Variants in PLD5 observed in about 807,000 individuals in gnomAD.
PLD5 encodes inactive phospholipase D5.
PLD5 carries 36 observed loss-of-function variants against 61.1 expected under a neutral mutation model. The ratio of observed to expected loss-of-function variants is 0.59; its 90% CI spans 0.45 to 0.78. PLD5 has a LOEUF of 0.78. PLD5 is among the 30% of genes least tolerant of loss of function. The pLI is 0.00. For synonymous variants in PLD5, 243 were observed against 242.8 expected, an observed-to-expected ratio of 1.00 and a Z score of -0.01; for missense variants, 515 against 644.4, an observed-to-expected ratio of 0.80 and a Z score of 2.17.
intron 6 of PLD5, among the ~76,000 whole-genome samples, chr1:242,118,569 T>G (rs889059016): frequency 3.3e-5 from 5 of 152,262 alleles, no homozygotes; most frequent in African/African-American, 1.2e-4. Flanking sequence ...GGAACGAATG[T>G]GAAAGTGCTT....
At chr1:242,439,436 C>G (rs542588117) in intron 1 of PLD5, among the ~76,000 whole-genome samples, 1 of 152,178 alleles carries the variant, frequency 6.6e-6, no homozygotes, top group Admixed American at 6.5e-5. Flanking sequence ...AAGGAGCCCA[C>G]ATCACTTCTG....
At chr1:242,229,893 TA>T (rs1334935252) in intron 4 of PLD5, among the ~76,000 whole-genome samples, 3 of 143,744 alleles carry the variant, frequency 2.1e-5, no homozygotes, top group East Asian at 4.5e-4. Context: ...GTAAGACCTC[TA>T]AAAAAATATT....
intron 5 of PLD5, among the ~76,000 whole-genome samples, chr1:242,135,202 T>C (rs1448585387): frequency 6.6e-6 from 1 of 152,178 alleles, no homozygotes; most frequent in African/African-American, 2.4e-5. Context: ...TATACAGACA[T>C]TTATATCTGC....
At chr1:242,247,680 GGGGTC>G (rs1558394577) in intron 4 of PLD5, among the ~76,000 whole-genome samples, 1 of 152,090 alleles carries the variant, frequency 6.6e-6, no homozygotes, top group Non-Finnish European at 1.5e-5. Context: ...AGGTTTTTTG[GGGGTC>G]CCCTTGGCTA....
chr1:242,264,245 C>G (rs189681732), intron 4 of PLD5, among the ~76,000 whole-genome samples: 1 of 152,292 alleles, frequency 6.6e-6, no homozygotes, highest in Admixed American at 6.5e-5. Context: ...GAACTGGGCA[C>G]TTACAAGTTT....
intron 5 of PLD5, among the ~76,000 whole-genome samples, chr1:242,168,845 A>ATTTTTTTTTT (rs1574439363): frequency 3.4e-5 from 1 of 29,248 alleles, no homozygotes; most frequent in African/African-American, 1.8e-4. Flanking sequence ...TAATTAATGA[A>ATTTTTTTTTT]GTTTTTTTTT....
At chr1:242,314,620 C>T (rs1676897761) in intron 2 of PLD5, among the ~76,000 whole-genome samples, 1 of 152,166 alleles carries the variant, frequency 6.6e-6, no homozygotes, top group East Asian at 1.9e-4. Flanking sequence ...TCTTTTCCCT[C>T]CAAATAAGAT....
At chr1:242,392,090 A>T (rs1275230034) in intron 1 of PLD5, among the ~76,000 whole-genome samples, 6 of 152,226 alleles carry the variant, frequency 3.9e-5, no homozygotes. Context: ...AAAAGAACAA[A>T]GTCATGCCCT....
intron 5 of PLD5, chr1:242,178,026 T>A (rs974725270): frequency 6.6e-6 from 1 of 152,232 alleles, no homozygotes; most frequent in African/African-American, 2.4e-5. Flanking sequence ...GCTAATCAAC[T>A]GTCTGCATTT....
At chr1:242,146,521 T>C (rs1476528241) in intron 5 of PLD5, among the ~76,000 whole-genome samples, 1 of 152,198 alleles carries the variant, frequency 6.6e-6, no homozygotes, top group African/African-American at 2.4e-5. Flanking sequence ...CAATTTCCCC[T>C]TCTCAAATAA....
At chr1:242,468,690 T>C (rs1398577155) in intron 1 of PLD5, among the ~76,000 whole-genome samples, 1 of 151,302 alleles carries the variant, frequency 6.6e-6, no homozygotes, top group Non-Finnish European at 1.5e-5. Context: ...CACACACACA[T>C]ACACACACAC....
intron 2 of PLD5, among the ~76,000 whole-genome samples, chr1:242,305,561 AT>A (rs371470398): frequency 1.2e-4 from 18 of 149,454 alleles, no homozygotes; most frequent in Non-Finnish European, 1.6e-4. Context: ...TCCATTTCTT[AT>A]TTTTTTTTCT....
intron 8 of PLD5, among the ~76,000 whole-genome samples, chr1:242,101,033 G>C (rs568453822): frequency 3.3e-5 from 5 of 152,100 alleles, no homozygotes; most frequent in African/African-American, 1.2e-4. Context: ...CACAAAATTC[G>C]TTTTCTTTTT....
chr1:242,392,890 A>G (rs187988348), intron 1 of PLD5, among the ~76,000 whole-genome samples: 2 of 152,308 alleles, frequency 1.3e-5, no homozygotes, highest in Non-Finnish European at 2.9e-5. Flanking sequence ...AATTAAACAC[A>G]TGTACAAAGT....
intron 3 of PLD5, among the ~76,000 whole-genome samples, chr1:242,277,954 G>T (rs1179588947): frequency 3.3e-5 from 5 of 152,192 alleles, no homozygotes; most frequent in Admixed American, 3.3e-4. Flanking sequence ...CTGCACTCCA[G>T]CCTGGGTGAC....
intron 5 of PLD5, among the ~76,000 whole-genome samples, chr1:242,217,517 G>C (rs1030973490): frequency 6.6e-6 from 1 of 151,296 alleles, no homozygotes; most frequent in Non-Finnish European, 1.5e-5. Context: ...CCAGCTACTT[G>C]GGAGGCTGAG....
rs536889723 is a variant in PLD5 at position 242,260,145 on chromosome 1, G to A, written c.607+5192C>T. On this transcript the variant is annotated intron_variant, in intron 4 of 9. Transcript: ENST00000536534. Reference sequence around the variant, plus strand: ...GGGCAGATCATGAGGTCAGGAGTTCGAGACCAGCCTGGTCAATATGGTGAA... The same window carrying A: ...GGGCAGATCATGAGGTCAGGAGTTCAAGACCAGCCTGGTCAATATGGTGAA... Among the ~76,000 whole-genome samples the A allele has an allele frequency of 8.6e-4, 131 of 152,162 alleles. 2 individuals are homozygous for A. Among genetic ancestry groups the A allele is most frequent in the African/African-American group, 3.0e-3 (126 of 41,526 alleles).
intron 3 of PLD5, among the ~76,000 whole-genome samples, chr1:242,276,961 T>C (rs1174186322): frequency 6.6e-6 from 1 of 151,978 alleles, no homozygotes; most frequent in African/African-American, 2.4e-5. Context: ...TGAAGAGAGA[T>C]GAATATGCTC....
intron 5 of PLD5, among the ~76,000 whole-genome samples, chr1:242,146,968 A>G (rs1664588005): frequency 6.6e-6 from 1 of 152,188 alleles, no homozygotes; most frequent in Non-Finnish European, 1.5e-5. Context: ...TTTTAAATCC[A>G]TTACCATTAG....
Sources: allele counts gnomAD v4.1 joint callset (sites outside exome capture counted in the v4.1 genomes callset), GRCh38; gene constraint gnomAD v4.1.1; transcripts MANE v1.5; gene names NCBI Gene and HGNC (gene_info 2026-07-23, HGNC 2026-07-21).